The following LAMA3 variants were observed in gnomAD, a reference collection of about 807,000 sequenced individuals.
LAMA3 encodes laminin subunit alpha-3.
LAMA3 carries 281 observed loss-of-function variants against 402.0 expected under a neutral mutation model. The ratio of observed to expected loss-of-function variants is 0.70; its 90% CI spans 0.63 to 0.77. The LOEUF (loss-of-function observed/expected upper bound fraction) is 0.77. Among genes scored for constraint, LAMA3 ranks in the 30% least tolerant of loss-of-function variants. The probability of loss-of-function intolerance (pLI) is 0.00; values close to 1 mark genes in which losing one functional copy is unlikely to be tolerated. For missense variants in LAMA3, 3,840 were observed against 4,215.5 expected (o/e 0.91, Z 2.47); for synonymous variants, 1,431 against 1,558.4 (o/e 0.92, Z 1.93).
intron 32 of LAMA3, among the ~76,000 whole-genome samples, chr18:23,854,843 G>A (rs1301531597): frequency 5.3e-5 from 8 of 150,878 alleles, no homozygotes; most frequent in East Asian, 2.0e-4. Context: ...AAATTAGCTG[G>A]GCATGGTGGT....
chr18:23,798,978 A>G (rs1243868075), intron 12 of LAMA3, among the ~76,000 whole-genome samples: 2 of 152,252 alleles, frequency 1.3e-5, no homozygotes, highest in African/African-American at 4.8e-5. Flanking sequence ...GCAATGTTGC[A>G]AGATACAATG....
rs1006844569 is a variant in LAMA3, at chr18:23,826,569, C to T, written c.2572-133C>T. On this transcript the variant is annotated intron_variant, in intron 21 of 74. Transcript: ENST00000313654. Reference sequence around the variant, plus strand: ...CGGTGAGTCGGGATGAAGAACAAAGCAGTTGATATGGAGAGTTTAACTAGC... The same window carrying T: ...CGGTGAGTCGGGATGAAGAACAAAGTAGTTGATATGGAGAGTTTAACTAGC... 4.2e-6 allele frequency: 3 copies of T among 718,484 alleles called. No homozygotes were observed. In the Admixed American group the frequency reaches 6.1e-5, roughly 15 times the overall value. The allele number at this position is 718,484 out of a possible 1,614,324, so 44.5% of individuals were successfully genotyped here.
intron 13 of LAMA3, among the ~76,000 whole-genome samples, chr18:23,812,067 G>A (rs2063082947): frequency 6.6e-6 from 1 of 151,934 alleles, no homozygotes; most frequent in Non-Finnish European, 1.5e-5. Context: ...TAGAGATGGG[G>A]TTTCACCATG....
At chr18:23,910,598 A>G (rs2081395573) in intron 55 of LAMA3, among the ~76,000 whole-genome samples, 1 of 152,182 alleles carries the variant, frequency 6.6e-6, no homozygotes, top group South Asian at 2.1e-4. Context: ...GTGTATCTTC[A>G]AAACCCCCAG....
At chr18:23,890,238 C>G (rs2080612819) in intron 42 of LAMA3, 121 bp downstream of exon 42, 1 of 734,186 alleles carries the variant, frequency 1.4e-6, no homozygotes, top group African/African-American at 1.7e-5. Flanking sequence ...GCAAGCTGTC[C>G]CCAGGATGCA....
intron 29 of LAMA3, among the ~76,000 whole-genome samples, chr18:23,843,605 G>A (rs576045668): frequency 7.2e-4 from 109 of 151,998 alleles, no homozygotes; most frequent in Middle Eastern, 3.4e-3. Context: ...TGCCTCCTCC[G>A]CACTCCTGGC....
chr18:23,784,265 A>G (rs1321360914), intron 12 of LAMA3, 108 bp downstream of exon 12: 13 of 1,337,264 alleles, frequency 9.7e-6, no homozygotes, highest in Non-Finnish European at 1.4e-5. Flanking sequence ...AGTTTAATAA[A>G]TGGGCCCCTG....
In LAMA3 at chr18:23,933,773, T is replaced by A. The variant is rs1192014178; in HGVS notation, c.8709-9T>A. 1 of 1,613,948 alleles carries A rather than the reference T, an allele frequency of 6.2e-7. No homozygotes were observed. Among genetic ancestry groups the A allele is most frequent in the Non-Finnish European group, 8.5e-7 (1 of 1,179,902 alleles). On this transcript the variant is annotated splice_polypyrimidine_tract_variant and intron_variant, in intron 66 of 74. Coordinates refer to ENST00000313654, the MANE Select transcript of LAMA3 (RefSeq NM_198129.4). ...TTGGCAGCATCTTTCATTTCTGCTC[T>A]TTTTCCAGGTTATCACTGAGTCCTG...
chr18:23,949,737 G>A (rs1393936551), intron 70 of LAMA3, 28 bp from the exon 71 acceptor site: 1 of 1,612,736 alleles, frequency 6.2e-7, no homozygotes, highest in East Asian at 2.2e-5. Context: ...TGTAGGTAAT[G>A]AGCTTTTTCT....
intron 52 of LAMA3, among the ~76,000 whole-genome samples, chr18:23,905,936 T>C (rs1223052378): frequency 6.6e-6 from 1 of 151,790 alleles, no homozygotes; most frequent in Non-Finnish European, 1.5e-5. Context: ...AGCTAATTTT[T>C]GTATTTTTTT....
chr18:23,885,943 T>G (rs1472758426), intron 41 of LAMA3, among the ~76,000 whole-genome samples: 2 of 152,086 alleles, frequency 1.3e-5, no homozygotes, highest in Non-Finnish European at 2.9e-5. Flanking sequence ...AAAAAAAAAG[T>G]AGATTCCTGT....
intron 12 of LAMA3, among the ~76,000 whole-genome samples, chr18:23,787,174 T>C (rs557138160): frequency 6.6e-6 from 1 of 151,958 alleles, no homozygotes; most frequent in Non-Finnish European, 1.5e-5. Flanking sequence ...CCCAGCTACT[T>C]GGGAGGCTGA....
rs62087866 is a variant in LAMA3 at position 23,930,662 on chromosome 18, C to T, written c.8437-400C>T. 2.2e-3 allele frequency among the ~76,000 whole-genome samples: 338 copies of T among 152,026 alleles called. 1 individual carries two copies. The highest frequency in any genetic ancestry group is 3.4e-3 in the Non-Finnish European group (232 of 67,996). ...TCTCAGGAGGCTGAGGTGGGAGGAT[C>T]GCTTGAGCCTGGAACAGTGCCACTG... On this transcript the variant is annotated intron_variant, in intron 64 of 74. Transcript: ENST00000313654.
intron 19 of LAMA3, among the ~76,000 whole-genome samples, chr18:23,821,670 C>G (rs2063287814): frequency 6.6e-6 from 1 of 152,236 alleles, no homozygotes; most frequent in South Asian, 2.1e-4. Flanking sequence ...GAAAAGCCAT[C>G]ATTTCTTTGC....
At chr18:23,691,629 T>C (rs534849291) in intron 1 of LAMA3, among the ~76,000 whole-genome samples, 19 of 152,350 alleles carry the variant, frequency 1.2e-4, no homozygotes, top group South Asian at 2.1e-4. Flanking sequence ...TGGAGTGCAG[T>C]GGTGCTATCT....
Position 23,851,282 on chromosome 18 carries a change from C to T in LAMA3, c.4136+3614C>T, listed in dbSNP as rs57977163. ...GGGTTCTCACCTGCACGACCTCTGT[C>T]GTCCTTCGTCTCCTGTAATACTGGC... On this transcript the variant is annotated intron_variant, in intron 32 of 74. Transcript: ENST00000313654. 5.8e-3 allele frequency among the ~76,000 whole-genome samples: 876 copies of T among 152,318 alleles called. 8 individuals carry two copies. The highest frequency in any genetic ancestry group is 0.02 in the African/African-American group (814 of 41,552).
chr18:23,908,533 C>CAAAAAAAAA, intron 54 of LAMA3, among the ~76,000 whole-genome samples: 1 of 57,020 alleles, frequency 1.8e-5, no homozygotes, highest in Non-Finnish European at 4.1e-5. Flanking sequence ...CCATCTCAAA[C>CAAAAAAAAA]AAAAAAAAAA....
chr18:23,873,111 G>A lies in LAMA3; in HGVS notation c.4998+1450G>A, dbSNP rs760700343. On this transcript the variant is annotated intron_variant, in intron 38 of 74. Coordinates refer to ENST00000313654, the MANE Select transcript of LAMA3 (RefSeq NM_198129.4). ...GCTGTGGATCTTTGGGGCAGCCCTG[G>A]GGCAGTGTCTGGGCTACAGTTCACA... 1.1e-5 allele frequency: 17 copies of A among 1,614,158 alleles called. No individual in the cohort carries two copies. In the South Asian group the frequency reaches 1.1e-4, roughly 10 times the overall value.
Position 23,907,802 on chromosome 18 carries a change from GGCCAAC to G in LAMA3, c.6884_6889del (p.Ala2295_Asn2296del). 1 of 1,614,198 alleles carries G rather than the reference GGCCAAC, an allele frequency of 6.2e-7. No individual in the cohort carries two copies. Among genetic ancestry groups the G allele is most frequent in the Non-Finnish European group, 8.5e-7 (1 of 1,180,040 alleles). On this transcript the variant is annotated inframe_deletion, in exon 54 of 75. Transcript: ENST00000313654. ...GTAGTGCAAAGAGCATGGTCAGAAA[GGCCAAC>G]GACATCACAGATGAGGTTCTGGATG... is the stretch of plus-strand genomic sequence containing the variant.
Sources: allele counts gnomAD v4.1 joint callset (sites outside exome capture counted in the v4.1 genomes callset), GRCh38; gene constraint gnomAD v4.1.1; transcripts MANE v1.5; gene names NCBI Gene and HGNC (gene_info 2026-07-23, HGNC 2026-07-21).